The following ARMH4 variants were observed in gnomAD, a reference collection of about 807,000 sequenced individuals.
ARMH4 encodes armadillo like helical domain containing 4.
A neutral mutation model predicts 61.9 loss-of-function variants in ARMH4; 49 were observed. That is an observed-to-expected ratio of 0.79 (90% CI 0.63 to 1.00). ARMH4 has a LOEUF of 1.00. Among genes scored for constraint, ARMH4 ranks in the 50% least tolerant of loss-of-function variants. The probability of loss-of-function intolerance (pLI) is 0.00; values close to 1 mark genes in which losing one functional copy is unlikely to be tolerated. For synonymous variants in ARMH4, 368 were observed against 341.5 expected, an observed-to-expected ratio of 1.08 and a Z score of -0.85; for missense variants, 934 against 930.0, an observed-to-expected ratio of 1.00 and a Z score of -0.06.
chr14:58,022,146 A>G (rs1282798839), intron 5 of ARMH4, among the ~76,000 whole-genome samples: 1 of 152,144 alleles, frequency 6.6e-6, no homozygotes, highest in African/African-American at 2.4e-5. Context: ...TGCCTTTTCC[A>G]GCTTCTAGAA....
intron 5 of ARMH4, among the ~76,000 whole-genome samples, chr14:58,019,290 T>C (rs994965877): frequency 6.6e-6 from 1 of 152,212 alleles, no homozygotes; most frequent in African/African-American, 2.4e-5. Context: ...GAGGTAAGAC[T>C]AAGTATGTTA....
intron 4 of ARMH4, among the ~76,000 whole-genome samples, chr14:58,112,282 T>TTTC (rs1203138446): frequency 3.5e-5 from 5 of 143,890 alleles, no homozygotes; most frequent in African/African-American, 1.4e-4. Context: ...TGTGCTTAAT[T>TTTC]TTTCTTTTTT....
chr14:58,114,705 C>A (rs1023940800), intron 4 of ARMH4, among the ~76,000 whole-genome samples: 4 of 152,078 alleles, frequency 2.6e-5, no homozygotes, highest in African/African-American at 9.7e-5. Context: ...AATCTGTAAT[C>A]TGGGTATATT....
intron 4 of ARMH4, among the ~76,000 whole-genome samples, chr14:58,129,696 G>C (rs1392178459): frequency 6.6e-6 from 1 of 152,134 alleles, no homozygotes; most frequent in East Asian, 1.9e-4. Context: ...TTCAGCTTTT[G>C]GAGGACTAGA....
In ARMH4 at chr14:58,088,934, C is replaced by T. The variant is rs996601499; in HGVS notation, c.2089+7790G>A. ...ATCTCCCTACATAAACAGAAGCTGC[C>T]TCACCCCTGGGGCACAACCAGTAGA... On this transcript the variant is annotated intron_variant, in intron 5 of 7. Coordinates refer to ENST00000267485, the MANE Select transcript of ARMH4 (RefSeq NM_001001872.4). Among the ~76,000 whole-genome samples the T allele has an allele frequency of 7.9e-5, 12 of 152,246 alleles. No individual in the cohort carries two copies. In the East Asian group the frequency reaches 9.7e-4, roughly 12 times the overall value.
At chr14:58,079,949 C>G (rs1246624537) in intron 5 of ARMH4, among the ~76,000 whole-genome samples, 1 of 152,024 alleles carries the variant, frequency 6.6e-6, no homozygotes, top group Non-Finnish European at 1.5e-5. Flanking sequence ...ATCTGAGTAA[C>G]TGGATTATGG....
intron 5 of ARMH4, among the ~76,000 whole-genome samples, chr14:58,032,973 G>A (rs1193535912): frequency 6.8e-6 from 1 of 146,184 alleles, no homozygotes; most frequent in African/African-American, 2.5e-5. Flanking sequence ...CGAGGCTGGG[G>A]GAGGGGCGCC....
At chr14:58,055,788 C>G (rs1884329393) in intron 5 of ARMH4, among the ~76,000 whole-genome samples, 1 of 152,172 alleles carries the variant, frequency 6.6e-6, no homozygotes, top group Non-Finnish European at 1.5e-5. Context: ...TCACTCCTAC[C>G]AGGAACAAAC....
intron 5 of ARMH4, among the ~76,000 whole-genome samples, chr14:58,089,291 T>C (rs1308719749): frequency 6.6e-6 from 1 of 152,238 alleles, no homozygotes; most frequent in Non-Finnish European, 1.5e-5. Context: ...CACTATTTTT[T>C]GCAAAGCATC....
Position 58,054,883 on chromosome 14 carries a change from AAAT to A in ARMH4, c.2089+41838_2089+41840del, listed in dbSNP as rs71448938. On this transcript the variant is annotated intron_variant, in intron 5 of 7. Transcript: ENST00000267485. ...GGACTCTGTCTCAAAAAAAAAAAAA[AAAT>A]AATAATAATAATAATAATAATAATG... 8.0e-3 allele frequency among the ~76,000 whole-genome samples: 1,101 copies of A among 138,400 alleles called. 15 individuals are homozygous for A. The highest frequency in any genetic ancestry group is 0.028 in the African/African-American group (1,024 of 36,792). The allele number at this position is 138,400 out of a possible 152,430, so 90.8% of individuals were successfully genotyped here.
At chr14:58,110,003 G>A (rs1566584506) in intron 4 of ARMH4, among the ~76,000 whole-genome samples, 1 of 152,112 alleles carries the variant, frequency 6.6e-6, no homozygotes, top group East Asian at 1.9e-4. Context: ...GATCTCATGA[G>A]AACTCACTAC....
At chr14:58,072,535 G>A (rs1566567160) in intron 5 of ARMH4, among the ~76,000 whole-genome samples, 1 of 151,874 alleles carries the variant, frequency 6.6e-6, no homozygotes, top group African/African-American at 2.4e-5. Flanking sequence ...CCTGGCCAAC[G>A]TCGTGAAACC....
intron 4 of ARMH4, among the ~76,000 whole-genome samples, chr14:58,123,474 A>G (rs1886796793): frequency 6.6e-6 from 1 of 152,060 alleles, no homozygotes; most frequent in African/African-American, 2.4e-5. Flanking sequence ...CCCCTGCAAT[A>G]CTCCAATTTT....
At chr14:58,013,347 C>T (rs1245390640) in intron 5 of ARMH4, among the ~76,000 whole-genome samples, 1 of 152,126 alleles carries the variant, frequency 6.6e-6, no homozygotes, top group Non-Finnish European at 1.5e-5. Context: ...TTCATGTAAT[C>T]TTCAAATGTC....
chr14:58,027,806 G>T (rs1019561409), intron 5 of ARMH4, among the ~76,000 whole-genome samples: 1 of 152,146 alleles, frequency 6.6e-6, no homozygotes. Context: ...GTGTATACTT[G>T]TCCCCAAACT....
intron 5 of ARMH4, among the ~76,000 whole-genome samples, chr14:58,090,155 T>C (rs747342249): frequency 3.9e-5 from 6 of 152,082 alleles, no homozygotes; most frequent in East Asian, 1.9e-4. Context: ...TTTGAAAAAA[T>C]AAAGACAGCT....
At chr14:58,018,914 AAC>A (rs1882713401) in intron 5 of ARMH4, among the ~76,000 whole-genome samples, 1 of 152,202 alleles carries the variant, frequency 6.6e-6, no homozygotes, top group Non-Finnish European at 1.5e-5. Context: ...ACTGTATATA[AAC>A]ACAGTGGAAT....
At chr14:58,133,456 G>T (rs1887196421) in intron 2 of ARMH4, 115 bp from the exon 3 acceptor site, 2 of 981,292 alleles carry the variant, frequency 2.0e-6, no homozygotes, top group Non-Finnish European at 3.0e-6. Flanking sequence ...TTCAGGAACT[G>T]GGGAAGCAAA....
chr14:58,147,614 G>A (rs899536344), intron 1 of ARMH4, among the ~76,000 whole-genome samples: 1 of 152,010 alleles, frequency 6.6e-6, no homozygotes, highest in Non-Finnish European at 1.5e-5. Flanking sequence ...CACCCAGCTG[G>A]TTTATTCTTA....
Sources: allele counts gnomAD v4.1 joint callset (sites outside exome capture counted in the v4.1 genomes callset), GRCh38; gene constraint gnomAD v4.1.1; transcripts MANE v1.5; gene names NCBI Gene and HGNC (gene_info 2026-07-23, HGNC 2026-07-21).